NINL: variants seen among roughly 807,000 people sequenced by gnomAD.
The protein encoded by NINL is ninein like, also known as ninein-like protein.
NINL carries 153 observed loss-of-function variants against 160.3 expected under a neutral mutation model. That is an observed-to-expected ratio of 0.95 (90% CI 0.84 to 1.09). The LOEUF is 1.09. NINL is among the 50% of genes least tolerant of loss of function. The pLI is 0.00. For synonymous variants in NINL, 800 were observed against 734.8 expected (o/e 1.09, Z -1.43); for missense variants, 1,829 against 1,764.0 (o/e 1.04, Z -0.66).
At chr20:25,455,608 C>CCCATAAAAGTGGTGCTCT (rs2090649542) in intron 23 of NINL, 65 bp downstream of exon 23, 2 of 1,166,056 alleles carry the variant, frequency 1.7e-6, no homozygotes, top group Non-Finnish European at 2.6e-6. Context: ...TACCTGCACA[C>CCCATAAAAGTGGTGCTCT]CCATAAAAGT....
intron 2 of NINL, among the ~76,000 whole-genome samples, chr20:25,523,046 A>C (rs1399891323): frequency 6.6e-6 from 1 of 152,214 alleles, no homozygotes; most frequent in Non-Finnish European, 1.5e-5. Flanking sequence ...GTATTTGCAT[A>C]TAACCTATGC....
intron 1 of NINL, among the ~76,000 whole-genome samples, chr20:25,575,656 C>T (rs948606050): frequency 1.3e-5 from 2 of 151,638 alleles, no homozygotes; most frequent in African/African-American, 2.4e-5. Context: ...GAGGCTGAGG[C>T]AGGAGAATTG....
At chr20:25,491,837 T>A (rs1323685109) in intron 10 of NINL, among the ~76,000 whole-genome samples, 1 of 152,188 alleles carries the variant, frequency 6.6e-6, no homozygotes, top group African/African-American at 2.4e-5. Flanking sequence ...CCACCCGGTG[T>A]GCATGGCAGG....
At chr20:25,568,454 C>G (rs1007005852) in intron 1 of NINL, among the ~76,000 whole-genome samples, 1 of 151,842 alleles carries the variant, frequency 6.6e-6, no homozygotes, top group Non-Finnish European at 1.5e-5. Context: ...GTCACCTAGT[C>G]GGGAAGAGTA....
chr20:25,489,030 C>T, intron 13 of NINL: 1 of 577,626 alleles, frequency 1.7e-6, no homozygotes, highest in Non-Finnish European at 3.1e-6. Context: ...CAATGCCCTG[C>T]ATGGTCCCTG....
chr20:25,453,441 T>C lies in NINL; in HGVS notation c.*10A>G, dbSNP rs1321894667. 6.3e-7 allele frequency: 1 copy of C among 1,578,674 alleles called. No homozygotes were observed. Among genetic ancestry groups the C allele is most frequent in the African/African-American group, 1.4e-5 (1 of 73,406 alleles). On this transcript the variant is annotated 3_prime_UTR_variant, in exon 24 of 24. Transcript: ENST00000278886. ...GTGCTTTCGAATGAATCCTAGAAAA[T>C]AATCTGTCTTTACACAGAGAGGGCT... is the stretch of plus-strand genomic sequence containing the variant.
intron 14 of NINL, 146 bp from the exon 15 acceptor site, chr20:25,480,413 G>A (rs1335815368): frequency 4.6e-6 from 3 of 654,296 alleles, no homozygotes; most frequent in Non-Finnish European, 8.3e-6. Flanking sequence ...CTTAAAGTCA[G>A]CACTCGTCAG....
rs2146268809 is a variant in NINL, at chr20:25,455,654, A to G, written c.3957+19T>C. On this transcript the variant is annotated intron_variant, in intron 23 of 23. Transcript: ENST00000278886. ...CAGAAGAGGACGTGAACACGAAAGC[A>G]GCAGCGCCCATCACTCACCTGCTCC... 6.4e-7 allele frequency: 1 copy of G among 1,568,348 alleles called. No homozygotes were observed. The highest frequency in any genetic ancestry group is 2.2e-5 in the East Asian group (1 of 44,676).
Position 25,462,534 on chromosome 20 carries a change from T to G in NINL, c.3431A>C (p.Asn1144Thr). 1.9e-6 allele frequency: 3 copies of G among 1,604,982 alleles called. 1 individual carries two copies. The South Asian group carries it at 3.4e-5, about 18-fold the overall frequency. Residue 1144 changes from asparagine (N) to threonine (T), a missense_variant, in exon 20 of 24, where the codon AAC becomes ACC. Asn to Thr is a moderately conservative substitution (Grantham distance 65). Transcript: ENST00000278886. Reference protein sequence around the residue: ...EMEVLNRQNQNYKDQLSQLNV... With the variant: ...EMEVLNRQNQTYKDQLSQLNV... The stretch of plus-strand genomic sequence containing the variant: ...GAGCTGGGATAATTGATCCTTGTAG[T>G]TCTGATTCTGGGGGAAAAAGTTTTT...
intron 22 of NINL, among the ~76,000 whole-genome samples, chr20:25,457,232 G>T (rs537668620): frequency 1.3e-5 from 2 of 152,264 alleles, no homozygotes; most frequent in East Asian, 3.9e-4. Flanking sequence ...GCTGAGGGAG[G>T]GGAATTGCTT....
At chr20:25,466,834 C>G (rs2062926223) in intron 19 of NINL, among the ~76,000 whole-genome samples, 1 of 152,106 alleles carries the variant, frequency 6.6e-6, no homozygotes, top group Non-Finnish European at 1.5e-5. Flanking sequence ...AGTGTCCAGG[C>G]AGTGTTTGAC....
In NINL at chr20:25,476,915, G is replaced by A. The variant is rs1402295074; in HGVS notation, c.2376C>T (p.Ser792=). 6.2e-7 allele frequency: 1 copy of A among 1,612,536 alleles called. No homozygotes were observed. The highest frequency in any genetic ancestry group is 8.5e-7 in the Non-Finnish European group (1 of 1,179,872). Residue 792 remains serine, a synonymous_variant, in exon 17 of 24, where the codon AGC becomes AGT. Transcript: ENST00000278886. Reference sequence around the variant, plus strand: ...ATACGCACATCTGGGCGCGCTTCTCGCTCGCACAGGGCTGCAGCTTCAGTG... The same window carrying A: ...ATACGCACATCTGGGCGCGCTTCTCACTCGCACAGGGCTGCAGCTTCAGTG... ...ERALKLQPCA[S]EKRAQMCVSL...
chr20:25,572,322 C>G (rs1249196185), intron 1 of NINL, among the ~76,000 whole-genome samples: 1 of 151,810 alleles, frequency 6.6e-6, no homozygotes, highest in East Asian at 1.9e-4. Flanking sequence ...TCTTAACACT[C>G]CCTCCCTGGG....
chr20:25,484,599 T>G (rs1296266630), intron 13 of NINL, among the ~76,000 whole-genome samples: 1 of 152,096 alleles, frequency 6.6e-6, no homozygotes, highest in Non-Finnish European at 1.5e-5. Context: ...TTAAAAACCA[T>G]AGGGAGGAAA....
chr20:25,559,760 C>A (rs2064911170), intron 1 of NINL, among the ~76,000 whole-genome samples: 1 of 150,816 alleles, frequency 6.6e-6, no homozygotes. Context: ...ACCACCACAC[C>A]CGACTATTTT....
At chr20:25,568,611 A>G (rs2065020131) in intron 1 of NINL, among the ~76,000 whole-genome samples, 2 of 151,642 alleles carry the variant, frequency 1.3e-5, no homozygotes, top group South Asian at 2.1e-4. Context: ...GTGTCTCACT[A>G]TGTTTCCCAG....
chr20:25,495,805 G>A (rs549528031), intron 10 of NINL, among the ~76,000 whole-genome samples: 2 of 152,214 alleles, frequency 1.3e-5, no homozygotes, highest in Non-Finnish European at 2.9e-5. Context: ...TTCCTCAGAT[G>A]TTCTGTTTGT....
chr20:25,484,958 G>A (rs1219090182), intron 13 of NINL, among the ~76,000 whole-genome samples: 7 of 152,186 alleles, frequency 4.6e-5, no homozygotes, highest in African/African-American at 4.8e-5. Context: ...ACCAGCGAGC[G>A]GGGCACAACA....
In NINL at chr20:25,461,548, G is replaced by A. The variant is rs2062785626; in HGVS notation, c.3670C>T (p.Gln1224Ter). 5 of 1,592,156 alleles carry A rather than the reference G, an allele frequency of 3.1e-6. No individual in the cohort carries two copies. The highest frequency in any genetic ancestry group is 4.3e-6 in the Non-Finnish European group (5 of 1,172,092). The change falls in exon 21 of 24, where the codon CAG becomes TAG. Residue 1224 changes from glutamine to a stop codon, truncating the protein, a stop_gained. Transcript: ENST00000278886. LOFTEE classifies it high-confidence loss of function. ...SLQLPWSELT[Q>*]TLEESQDQVQ... Reference sequence around the variant, plus strand: ...TGGTCTTGACTTTCCTCAAGGGTCTGGGTCAGCTCTGACCATGGCAGCTGC... The same window carrying A: ...TGGTCTTGACTTTCCTCAAGGGTCTAGGTCAGCTCTGACCATGGCAGCTGC...
Sources: allele counts gnomAD v4.1 joint callset (sites outside exome capture counted in the v4.1 genomes callset), GRCh38; gene constraint gnomAD v4.1.1; transcripts MANE v1.5; gene names NCBI Gene and HGNC (gene_info 2026-07-23, HGNC 2026-07-21).